Variants in EPB41L3 observed in about 807,000 individuals in gnomAD.
The protein encoded by EPB41L3 is band 4.1-like protein 3.
EPB41L3 carries 57 observed loss-of-function variants against 127.1 expected under a neutral mutation model. That is an observed-to-expected ratio of 0.45 (90% CI 0.36 to 0.56). The LOEUF is 0.56. EPB41L3 is among the 20% of genes least tolerant of loss of function. EPB41L3 has a pLI of 0.00. For missense variants in EPB41L3, 1,273 were observed against 1,372.2 expected (o/e 0.93, Z 1.14); for synonymous variants, 572 against 549.5 (o/e 1.04, Z -0.57).
intron 1 of EPB41L3, among the ~76,000 whole-genome samples, chr18:5,503,151 C>CT (rs1354265572): frequency 6.6e-6 from 1 of 152,258 alleles, no homozygotes; most frequent in Admixed American, 6.5e-5. Context: ...ATATTTATCA[C>CT]TTTTTTTAAA....
chr18:5,429,500 G>C (rs2078685440), intron 8 of EPB41L3: 2 of 152,184 alleles, frequency 1.3e-5, no homozygotes, highest in African/African-American at 2.4e-5. Flanking sequence ...CTGATTGTTG[G>C]AAGCAGGGGA....
intron 3 of EPB41L3, among the ~76,000 whole-genome samples, chr18:5,575,675 A>T (rs2094330072): frequency 6.6e-6 from 1 of 152,086 alleles, no homozygotes; most frequent in African/African-American, 2.4e-5. Flanking sequence ...CATCTCTACT[A>T]AAAATATAAA....
At chr18:5,509,017 T>C (rs1334401945) in intron 1 of EPB41L3, among the ~76,000 whole-genome samples, 2 of 152,146 alleles carry the variant, frequency 1.3e-5, no homozygotes, top group Non-Finnish European at 2.9e-5. Context: ...AGAGGCCAGC[T>C]TCAGAGGCCA....
intron 3 of EPB41L3, among the ~76,000 whole-genome samples, chr18:5,451,836 G>A (rs1172677465): frequency 2.0e-5 from 3 of 152,142 alleles, no homozygotes; most frequent in Non-Finnish European, 4.4e-5. Context: ...TTGGGCCAAG[G>A]CAACTGCTTT....
chr18:5,421,921 A>G (rs1212391498), intron 11 of EPB41L3, among the ~76,000 whole-genome samples: 3 of 152,152 alleles, frequency 2.0e-5, no homozygotes, highest in African/African-American at 7.2e-5. Flanking sequence ...CTTCACTACT[A>G]TACAATTCAG....
chr18:5,618,817 A>C (rs1330415513), intron 1 of EPB41L3, among the ~76,000 whole-genome samples: 1 of 152,190 alleles, frequency 6.6e-6, no homozygotes. Context: ...TTTAGAACAG[A>C]ACTTGGTATT....
intron 6 of EPB41L3, 110 bp from the exon 7 acceptor site, chr18:5,434,231 T>A: frequency 2.6e-6 from 2 of 761,340 alleles, no homozygotes; most frequent in Non-Finnish European, 2.2e-6. Context: ...GAACAGCCTC[T>A]CTAGGATAAA....
At chr18:5,590,376 T>G (rs911000378) in intron 3 of EPB41L3, among the ~76,000 whole-genome samples, 2 of 152,094 alleles carry the variant, frequency 1.3e-5, no homozygotes, top group African/African-American at 4.8e-5. Context: ...TAGAATGGCT[T>G]AAGAAAAAGT....
intron 1 of EPB41L3, among the ~76,000 whole-genome samples, chr18:5,531,277 A>C (rs80005307): frequency 0.037 from 5,686 of 152,296 alleles, 133 homozygotes; most frequent in Non-Finnish European, 0.055. Flanking sequence ...ATACTTCAAA[A>C]GAGGAGGAGT....
intron 1 of EPB41L3, among the ~76,000 whole-genome samples, chr18:5,514,418 C>T (rs956882613): frequency 6.6e-6 from 1 of 152,094 alleles, no homozygotes; most frequent in Non-Finnish European, 1.5e-5. Flanking sequence ...GGTAAAAATA[C>T]AGGTTATATG....
Position 5,528,894 on chromosome 18 carries a change from G to T in EPB41L3, c.-12+15019C>A, listed in dbSNP as rs569148160. On this transcript the variant is annotated intron_variant, in intron 1 of 22. Coordinates refer to ENST00000341928, the MANE Select transcript of EPB41L3 (RefSeq NM_012307.5). ...ATTACAGACATGAGCTACCGCACCTGGCCCATCCTCTAGTTTCTTAATTAA... is the reference window on the plus strand; with the variant it reads ...ATTACAGACATGAGCTACCGCACCTTGCCCATCCTCTAGTTTCTTAATTAA... 4 of 152,376 alleles carry T rather than the reference G, an allele frequency of 2.6e-5. No homozygotes were observed. The East Asian group carries it at 7.7e-4, about 29-fold the overall frequency. The allele number at this position is 152,376 out of a possible 1,614,324, so 9.4% of individuals were successfully genotyped here. A position where few individuals can be genotyped will look rare whatever the true frequency, so the allele number is the denominator to read the frequency against.
At chr18:5,564,930 G>A (rs1270498731) in intron 3 of EPB41L3, among the ~76,000 whole-genome samples, 1 of 152,124 alleles carries the variant, frequency 6.6e-6, no homozygotes, top group Non-Finnish European at 1.5e-5. Context: ...TATAATGGTA[G>A]CATCTGTAGG....
chr18:5,491,640 C>G (rs79107907), intron 1 of EPB41L3, among the ~76,000 whole-genome samples: 189 of 152,296 alleles, frequency 1.2e-3, no homozygotes, highest in African/African-American at 4.2e-3. Context: ...CTCACAGCAG[C>G]TCATACCTCA....
Position 5,398,055 on chromosome 18 carries a change from C to A in EPB41L3, c.2438G>T (p.Gly813Val), listed in dbSNP as rs758123868. The part of the protein sequence containing the change: ...ESARKPTEFI[G>V]GVTSTSQSWV... ...GCTTTGAGAAGTAGAAGTAACCCCT[C>A]CTATGAATTCTGTTGGTTTTCGCGC... The change falls in exon 17 of 23, where the codon GGA becomes GTA. Residue 813 changes from glycine (G) to valine (V), a missense_variant. By Grantham distance (109) the Gly-to-Val change is moderately radical. This residue lies in a region of EPB41L3 where 765 missense variants were observed against 782.9 expected (regional missense o/e 0.98). Transcript: ENST00000341928. 2.5e-6 allele frequency: 4 copies of A among 1,614,136 alleles called. No individual in the cohort carries two copies. In the South Asian group the frequency reaches 4.4e-5, roughly 18 times the overall value.
intron 3 of EPB41L3, among the ~76,000 whole-genome samples, chr18:5,569,202 T>C (rs2094245809): frequency 6.6e-6 from 1 of 152,178 alleles, no homozygotes; most frequent in African/African-American, 2.4e-5. Context: ...TTTTGGTAAA[T>C]AGAACATTTT....
At chr18:5,398,274 G>C (rs1414196234) in intron 16 of EPB41L3, 131 bp from the exon 17 acceptor site, 1 of 1,074,830 alleles carries the variant, frequency 9.3e-7, no homozygotes, top group Admixed American at 2.3e-5. Flanking sequence ...AGGAATCTCA[G>C]AGTTTGGAAA....
intron 3 of EPB41L3, among the ~76,000 whole-genome samples, chr18:5,462,535 A>AC (rs1305041143): frequency 6.6e-6 from 1 of 152,144 alleles, no homozygotes; most frequent in Non-Finnish European, 1.5e-5. Flanking sequence ...TCATACGGTC[A>AC]CAATCACTAC....
intron 3 of EPB41L3, among the ~76,000 whole-genome samples, chr18:5,446,322 C>T (rs894116984): frequency 9.9e-5 from 15 of 152,064 alleles, no homozygotes; most frequent in African/African-American, 3.6e-4. Flanking sequence ...ATCAAGCCAG[C>T]ATCTGGAGAA....
intron 3 of EPB41L3, among the ~76,000 whole-genome samples, chr18:5,446,829 C>A (rs930460176): frequency 6.6e-6 from 1 of 152,202 alleles, no homozygotes; most frequent in Non-Finnish European, 1.5e-5. Context: ...AATAACATTG[C>A]TCATCGGCTA....
Sources: gnomAD v4.1 joint callset for allele counts (sites outside exome capture counted in the v4.1 genomes callset) on GRCh38, gnomAD v4.1.1 for gene constraint, gnomAD v4.1.1 regional missense constraint, MANE v1.5 for transcripts, NCBI Gene and HGNC (gene_info 2026-07-23, HGNC 2026-07-21) for gene names.